Variants in ABHD12B observed in about 807,000 individuals in gnomAD.
ABHD12B encodes the protein abhydrolase domain containing 12B.
Under a neutral mutation model 50.4 loss-of-function variants are expected in ABHD12B, and 42 were observed. The ratio of observed to expected loss-of-function variants is 0.83; its 90% CI spans 0.65 to 1.08. The LOEUF is 1.08. ABHD12B is among the 50% of genes least tolerant of loss of function. ABHD12B has a pLI of 0.00. For missense variants in ABHD12B, 479 were observed against 447.7 expected, an observed-to-expected ratio of 1.07 and a Z score of -0.63; for synonymous variants, 167 against 160.3, an observed-to-expected ratio of 1.04 and a Z score of -0.32.
chr14:50,901,945 T>C, intron 10 of ABHD12B, 34 bp downstream of exon 10: 16 of 1,460,954 alleles, frequency 1.1e-5, no homozygotes, highest in Middle Eastern at 1.8e-4. Context: ...GCATTATTAC[T>C]GTATCTAAAG....
intron 5 of ABHD12B, 53 bp from the exon 6 acceptor site, chr14:50,885,561 C>T: frequency 3.7e-6 from 6 of 1,608,098 alleles, no homozygotes; most frequent in Non-Finnish European, 5.1e-6. Flanking sequence ...GAGGAGAAGC[C>T]TTTTCTGTTT....
chr14:50,872,148 T>TGGC lies in ABHD12B; in HGVS notation c.-22_-20dup. 7.9e-7 allele frequency: 1 copy of TGGC among 1,271,790 alleles called. No homozygotes were observed. The highest frequency in any genetic ancestry group is 9.9e-7 in the Non-Finnish European group (1 of 1,008,150). The allele number at this position is 1,271,790 out of a possible 1,614,324, so 78.8% of individuals were successfully genotyped here. On this transcript the variant is annotated 5_prime_UTR_variant, in exon 1 of 13. Transcript: ENST00000337334. ...CTCCGGACTGCAGCTCCCGCGGCGG[T>TGGC]GGCGGCGTATCGGGACACGGCGCGG...
intron 8 of ABHD12B, 126 bp from the exon 9 acceptor site, chr14:50,888,698 A>G (rs978288289): frequency 9.2e-6 from 7 of 760,402 alleles, no homozygotes; most frequent in Non-Finnish European, 1.5e-5. Flanking sequence ...TGCATTATTA[A>G]TAACCTTCAC....
chr14:50,878,936 G>A (rs141630356), intron 3 of ABHD12B, 89 bp downstream of exon 3: 11,896 of 1,037,434 alleles, frequency 0.011, 102 homozygotes, highest in Non-Finnish European at 0.015. Flanking sequence ...ACCTGCCCAC[G>A]GAGAGGTCGG....
intron 9 of ABHD12B, among the ~76,000 whole-genome samples, chr14:50,897,428 T>C (rs886867545): frequency 1.3e-5 from 2 of 152,236 alleles, no homozygotes; most frequent in Admixed American, 6.5e-5. Flanking sequence ...TCATAAAATG[T>C]CCACCTTTTT....
At position 50,903,365 on chromosome 14, in the gene ABHD12B, T is replaced by C. The variant is rs756405160; in HGVS notation, c.864-24T>C. The stretch of plus-strand genomic sequence containing the variant: ...CTCAATGTATCATTCTTTAACTGAA[T>C]GCTTTTCTTCTACTTGTCCCTAGTG... On this transcript the variant is annotated intron_variant, in intron 10 of 12. Transcript: ENST00000337334. The C allele has an allele frequency of 2.6e-6, 4 of 1,567,732 alleles. No homozygotes were observed. The East Asian group carries it at 6.7e-5, about 26-fold the overall frequency.
chr14:50,896,632 G>A (rs917513471), intron 9 of ABHD12B, among the ~76,000 whole-genome samples: 34 of 146,832 alleles, frequency 2.3e-4, no homozygotes, highest in African/African-American at 7.6e-4. Flanking sequence ...TTAACCCTGC[G>A]AATTTCCTTC....
chr14:50,886,654 A>G lies in ABHD12B; in HGVS notation c.670A>G (p.Thr224Ala). ...ATTTTCATTGCTTTACAGAGTTGCA[A>G]CAAATGCTGCAAAAGTGCTAGAAGA... ...WGHSLGTGVATNAAKVLEEKG... is the reference protein window; with the variant it reads ...WGHSLGTGVAANAAKVLEEKG... Residue 224 changes from threonine to alanine, a missense_variant, in exon 8 of 13, where the codon ACA (threonine) becomes GCA (alanine). Coordinates refer to ENST00000337334, the MANE Select transcript of ABHD12B (RefSeq NM_001206673.2). 1.9e-6 allele frequency: 3 copies of G among 1,609,410 alleles called. No individual in the cohort carries two copies. The highest frequency in any genetic ancestry group is 1.3e-5 in the African/African-American group (1 of 74,974).
At chr14:50,877,849 A>G (rs1306787442) in intron 1 of ABHD12B, 103 bp from the exon 2 acceptor site, 3 of 1,227,882 alleles carry the variant, frequency 2.4e-6, no homozygotes, top group Non-Finnish European at 3.2e-6. Flanking sequence ...CCTGGGCAAC[A>G]AGAGCAGAAC....
chr14:50,903,869 T>G, intron 11 of ABHD12B: 1 of 552,914 alleles, frequency 1.8e-6, no homozygotes, highest in East Asian at 2.9e-5. Context: ...AAGGATGAGG[T>G]TTTATCAGTA....
chr14:50,889,030 T>C, intron 9 of ABHD12B, 127 bp downstream of exon 9: 4 of 689,334 alleles, frequency 5.8e-6, no homozygotes, highest in Non-Finnish European at 8.9e-6. Flanking sequence ...GTTTTTAAGT[T>C]ATTCTAATCT....
At chr14:50,893,302 A>G (rs982810909) in intron 9 of ABHD12B, 1 of 156,098 alleles carries the variant, frequency 6.4e-6, no homozygotes, top group African/African-American at 2.4e-5. Context: ...TTCCACCACA[A>G]AAGAAGTATA....
rs948692884 is a variant in ABHD12B at position 50,901,719 on chromosome 14, A to G, written c.781-110A>G. 5.5e-6 allele frequency: 3 copies of G among 546,202 alleles called. No homozygotes were observed. The African/African-American group carries it at 5.9e-5, about 11-fold the overall frequency. 33.8% of individuals were successfully genotyped at this position (546,202 alleles called of 1,614,324 possible). ...AGAAGTTTTTTGTGAAGTTTACCTT[A>G]CTTAGAGAAGCACTACTCTCTGTGT... On this transcript the variant is annotated intron_variant, in intron 9 of 12. Coordinates refer to ENST00000337334, the MANE Select transcript of ABHD12B (RefSeq NM_001206673.2).
At chr14:50,876,104 T>C (rs1375316877) in intron 1 of ABHD12B, among the ~76,000 whole-genome samples, 1 of 152,188 alleles carries the variant, frequency 6.6e-6, no homozygotes, top group East Asian at 1.9e-4. Flanking sequence ...TTCTTATCTC[T>C]AAAATCAGAA....
chr14:50,879,719 C>T (rs1023955260), intron 3 of ABHD12B, among the ~76,000 whole-genome samples: 1 of 152,154 alleles, frequency 6.6e-6, no homozygotes, highest in Non-Finnish European at 1.5e-5. Flanking sequence ...TTTGCTTTTG[C>T]CCCACTGGTC....
chr14:50,901,277 AAAC>A (rs1417689725), intron 9 of ABHD12B, among the ~76,000 whole-genome samples: 2 of 152,242 alleles, frequency 1.3e-5, no homozygotes, highest in East Asian at 3.8e-4. Context: ...TTTTGCTATT[AAAC>A]AACAAATTTA....
chr14:50,885,709 C>T, intron 6 of ABHD12B, 50 bp downstream of exon 6: 1 of 1,614,140 alleles, frequency 6.2e-7, no homozygotes, highest in African/African-American at 1.3e-5. Context: ...CAGGGGGCCT[C>T]TGATGACCCC....
At position 50,877,551 on chromosome 14, in the gene ABHD12B, G is replaced by A. The variant is rs528083455; in HGVS notation, c.105-401G>A. On this transcript the variant is annotated intron_variant, in intron 1 of 12. Transcript: ENST00000337334. ...CCCTTAGTCCCAGTCTTGGCCTGCC[G>A]TGTAGATAATTCCTTGTCATTGTGT... Among the ~76,000 whole-genome samples the A allele has an allele frequency of 4.6e-5, 7 of 152,212 alleles. No homozygotes were observed. The South Asian group carries it at 1.0e-3, about 23-fold the overall frequency.
chr14:50,898,831 C>T (rs959266476), intron 9 of ABHD12B, among the ~76,000 whole-genome samples: 2 of 152,300 alleles, frequency 1.3e-5, no homozygotes, highest in South Asian at 4.1e-4. Context: ...GTCCAGAGCA[C>T]ACCTGAATGC....
Sources: gnomAD v4.1 joint callset for allele counts (sites outside exome capture counted in the v4.1 genomes callset) on GRCh38, gnomAD v4.1.1 for gene constraint, MANE v1.5 for transcripts, NCBI Gene and HGNC (gene_info 2026-07-23, HGNC 2026-07-21) for gene names.